DMD: variants seen among roughly 807,000 people sequenced by gnomAD.
DMD encodes the protein dystrophin.
Under a neutral mutation model 330.1 loss-of-function variants are expected in DMD, and 63 were observed. That is an observed-to-expected ratio of 0.19 (90% CI 0.16 to 0.24). The LOEUF is 0.24. Among genes scored for constraint, DMD ranks in the 10% least tolerant of loss-of-function variants. The pLI is 1.00. For synonymous variants in DMD, 1,223 were observed against 959.8 expected, an observed-to-expected ratio of 1.27 and a Z score of -5.07; for missense variants, 3,344 against 2,684.1, an observed-to-expected ratio of 1.25 and a Z score of -5.43.
intron 2 of DMD, among the ~76,000 whole-genome samples, chrX:32,990,331 T>C (rs2092941779): frequency 1.8e-5 from 2 of 111,872 alleles, no homozygotes; most frequent in South Asian, 7.4e-4. Flanking sequence ...GAAATAATAA[T>C]AGGAACAAAC....
chrX:32,349,757 C>A (rs1333447425), intron 37 of DMD, among the ~76,000 whole-genome samples: 2 of 111,734 alleles, frequency 1.8e-5, no homozygotes, highest in African/African-American at 6.5e-5. Flanking sequence ...CTTCTACACA[C>A]CCCTGAAAGA....
intron 67 of DMD, among the ~76,000 whole-genome samples, chrX:31,192,995 T>C (rs1270318803): frequency 1.8e-5 from 2 of 111,808 alleles, no homozygotes; most frequent in East Asian, 5.6e-4. Flanking sequence ...CCCACAACAC[T>C]GATAAATGCA....
chrX:31,155,613 T>G (rs2038019999), intron 74 of DMD, among the ~76,000 whole-genome samples: 2 of 107,531 alleles, frequency 1.9e-5, no homozygotes, highest in Non-Finnish European at 3.8e-5. Flanking sequence ...CAATCAGCAG[T>G]TTTTTTTTAA....
At chrX:31,840,296 A>G (rs764986552) in intron 48 of DMD, among the ~76,000 whole-genome samples, 1 of 111,665 alleles carries the variant, frequency 9.0e-6, no homozygotes, top group South Asian at 3.6e-4. Flanking sequence ...TCTATTCAAT[A>G]TATTTATAAG....
intron 63 of DMD, among the ~76,000 whole-genome samples, chrX:31,236,610 C>A (rs762019905): frequency 8.9e-6 from 1 of 112,103 alleles, no homozygotes; most frequent in Non-Finnish European, 1.9e-5. Flanking sequence ...AAGTGTTTAG[C>A]CATTTGTTTG....
chrX:32,022,322 G>A (rs1036790994), intron 44 of DMD, among the ~76,000 whole-genome samples: 33 of 112,042 alleles, frequency 2.9e-4, no homozygotes, highest in African/African-American at 1.0e-3. Flanking sequence ...TAAGGATTTT[G>A]CTCTAAACTA....
rs142646607 is a variant in DMD at position 32,644,472 on chromosome X, T to C, written c.1150-159A>G. Among the ~76,000 whole-genome samples the C allele has an allele frequency of 2.0e-3, 227 of 111,191 alleles. 4 individuals carry two copies. In the East Asian group the frequency reaches 0.028, roughly 14 times the overall value. On this transcript the variant is annotated intron_variant, in intron 10 of 78. Transcript: ENST00000357033. ...TATTTGCAGAATCCCAAAACCACTT[T>C]TAATATGAATTAAGGAAAATTATCT...
chrX:32,529,063 A>G (rs756004078), intron 17 of DMD, among the ~76,000 whole-genome samples: 1 of 106,673 alleles, frequency 9.4e-6, no homozygotes, highest in South Asian at 4.3e-4. Context: ...CTGGGACTAC[A>G]GGCGCCTGCC....
intron 1 of DMD, among the ~76,000 whole-genome samples, chrX:33,027,717 C>CAG (rs36027835): frequency 0.12 from 13,669 of 111,266 alleles, 1,190 homozygotes; most frequent in African/African-American, 0.29. Flanking sequence ...GAAGAAACTA[C>CAG]AGTCATGTGA....
At chrX:33,096,161 A>G (rs1189952211) in intron 1 of DMD, among the ~76,000 whole-genome samples, 1 of 108,528 alleles carries the variant, frequency 9.2e-6, no homozygotes, top group African/African-American at 3.3e-5. Flanking sequence ...TTTTTAGTAG[A>G]GACGGGGTTT....
At chrX:32,649,242 GAAGACATCGCTCATTAAAA>G (rs1469086088) in intron 9 of DMD, among the ~76,000 whole-genome samples, 1 of 109,644 alleles carries the variant, frequency 9.1e-6, no homozygotes, top group Non-Finnish European at 1.9e-5. Context: ...TATGTTCCTT[GAAGACATCGCTCATTAAAA>G]AAGGTGGAAG....
chrX:32,385,650 A>C (rs1437538402), intron 33 of DMD, among the ~76,000 whole-genome samples: 1 of 46,428 alleles, frequency 2.2e-5, no homozygotes. Context: ...AGTTGAGCGA[A>C]GTGAGATGGA....
intron 17 of DMD, among the ~76,000 whole-genome samples, chrX:32,522,463 C>T (rs746018823): frequency 8.9e-6 from 1 of 111,921 alleles, no homozygotes; most frequent in African/African-American, 3.2e-5. Flanking sequence ...CTTGGGATAT[C>T]CATAATCTTA....
At chrX:31,543,024 G>C (rs1272352801) in intron 55 of DMD, among the ~76,000 whole-genome samples, 1 of 112,359 alleles carries the variant, frequency 8.9e-6, no homozygotes, top group Non-Finnish European at 1.9e-5. Flanking sequence ...CAAAGGACAT[G>C]GGACGCCTCC....
chrX:32,453,209 G>A (rs1227630937), intron 26 of DMD, among the ~76,000 whole-genome samples: 1 of 110,846 alleles, frequency 9.0e-6, no homozygotes, highest in Non-Finnish European at 1.9e-5. Flanking sequence ...ACACTAGAAT[G>A]TAAATTCCAA....
intron 53 of DMD, among the ~76,000 whole-genome samples, chrX:31,658,492 C>T (rs1446523177): frequency 8.9e-6 from 1 of 111,781 alleles, no homozygotes; most frequent in Non-Finnish European, 1.9e-5. Flanking sequence ...CATATAACAA[C>T]ATTTGAACGA....
chrX:32,474,836 T>C (rs1452979088), intron 21 of DMD, among the ~76,000 whole-genome samples: 3 of 111,881 alleles, frequency 2.7e-5, no homozygotes, highest in Non-Finnish European at 3.8e-5. Context: ...TTCCTTTTGC[T>C]GTGCAAAAGC....
chrX:32,491,941 T>G (rs746346070), intron 19 of DMD, among the ~76,000 whole-genome samples: 33 of 112,118 alleles, frequency 2.9e-4, no homozygotes, highest in African/African-American at 1.1e-3. Flanking sequence ...ATTTTTAATT[T>G]TAAAAATGGG....
chrX:31,867,090 T>TTATATATATATATATA (rs1569487063), intron 48 of DMD, among the ~76,000 whole-genome samples: 19 of 56,832 alleles, frequency 3.3e-4, no homozygotes, highest in African/African-American at 1.6e-3. Context: ...CAACATATTT[T>TTATATATATATATATA]GATATATATA....
Sources: allele counts gnomAD v4.1 joint callset (sites outside exome capture counted in the v4.1 genomes callset), GRCh38; gene constraint gnomAD v4.1.1; transcripts MANE v1.5; gene names NCBI Gene and HGNC (gene_info 2026-07-23, HGNC 2026-07-21).